The following STXBP3 variants were observed in gnomAD, a reference collection of about 807,000 sequenced individuals.
STXBP3 encodes the protein syntaxin-binding protein 3.
A neutral mutation model predicts 85.7 loss-of-function variants in STXBP3; 41 were observed. The ratio of observed to expected loss-of-function variants is 0.48; its 90% CI spans 0.37 to 0.62. The LOEUF is 0.62. Among genes scored for constraint, STXBP3 ranks in the 20% least tolerant of loss-of-function variants. The pLI is 0.00. For synonymous variants in STXBP3, 229 were observed against 231.7 expected (o/e 0.99, Z 0.10); for missense variants, 563 against 703.1 (o/e 0.80, Z 2.25).
chr1:108,757,083 A>G, intron 4 of STXBP3: 1 of 180,002 alleles, frequency 5.6e-6, no homozygotes, highest in Non-Finnish European at 1.2e-5. Flanking sequence ...TAATGTAGGT[A>G]AAAGAAATAA....
chr1:108,803,778 G>T (rs141299181), intron 17 of STXBP3, among the ~76,000 whole-genome samples: 5 of 152,116 alleles, frequency 3.3e-5, no homozygotes, highest in East Asian at 3.8e-4. Flanking sequence ...GCGCCACTAC[G>T]CCTGGCCAGC....
intron 11 of STXBP3, among the ~76,000 whole-genome samples, chr1:108,790,152 C>A (rs2934738): frequency 0.23 from 34,505 of 151,914 alleles, 4,184 homozygotes; most frequent in Non-Finnish European, 0.26. Context: ...TTTACCTGCT[C>A]TGTCAGTTAC....
rs912602384 is a variant in STXBP3, at chr1:108,767,796, A to G, written c.439-4869A>G. Among the ~76,000 whole-genome samples the G allele has an allele frequency of 8.8e-4, 134 of 152,206 alleles. 1 individual carries two copies. Among genetic ancestry groups the G allele is most frequent in the African/African-American group, 3.1e-3 (129 of 41,524 alleles). On this transcript the variant is annotated intron_variant, in intron 6 of 18. Transcript: ENST00000370008. ...GAGATGAGGTCTTGCTATGTTGCCC[A>G]GGATGATCTAGAACTCCTGAGCTCA... is the stretch of plus-strand genomic sequence containing the variant.
At chr1:108,783,884 G>A (rs758800645) in intron 11 of STXBP3, among the ~76,000 whole-genome samples, 2 of 152,114 alleles carry the variant, frequency 1.3e-5, no homozygotes, top group African/African-American at 4.8e-5. Flanking sequence ...TCTTATTGTG[G>A]TTTTAATTTC....
chr1:108,750,131 G>A (rs1036821292), intron 1 of STXBP3, among the ~76,000 whole-genome samples: 28 of 151,992 alleles, frequency 1.8e-4, no homozygotes, highest in African/African-American at 5.8e-4. Flanking sequence ...TCTCCAATCT[G>A]CTCCATCATA....
rs1662403927 is a variant in STXBP3 at position 108,771,452 on chromosome 1, C to CATATATAAATATATATG, written c.439-1205_439-1189dup. 5.5e-4 allele frequency among the ~76,000 whole-genome samples: 5 copies of CATATATAAATATATATG among 9,116 alleles called. 1 individual carries two copies. The highest frequency in any genetic ancestry group is 1.7e-3 in the African/African-American group (5 of 2,902). The allele number at this position is 9,116 out of a possible 152,430, so 6.0% of individuals were successfully genotyped here. A position where few individuals can be genotyped will look rare whatever the true frequency, so the allele number is the denominator to read the frequency against. On this transcript the variant is annotated intron_variant, in intron 6 of 18. Transcript: ENST00000370008. ...ATATATGATATATATCTATATATAT[C>CATATATAAATATATATG]ATATATAAATATATATGATATATAT... is the stretch of plus-strand genomic sequence containing the variant.
intron 11 of STXBP3, among the ~76,000 whole-genome samples, chr1:108,784,593 C>A (rs1662787144): frequency 6.6e-6 from 1 of 152,138 alleles, no homozygotes; most frequent in Admixed American, 6.5e-5. Flanking sequence ...CCCCTGGTAC[C>A]TCCCATATCT....
At chr1:108,778,751 T>A (rs1469429686) in intron 8 of STXBP3, among the ~76,000 whole-genome samples, 1 of 152,182 alleles carries the variant, frequency 6.6e-6, no homozygotes. Flanking sequence ...AAACAAAATG[T>A]TACTTTTTTA....
chr1:108,783,494 C>T (rs1662762146), intron 11 of STXBP3, among the ~76,000 whole-genome samples: 1 of 152,100 alleles, frequency 6.6e-6, no homozygotes, highest in Admixed American at 6.5e-5. Context: ...TTTAGTAATT[C>T]ATTTTTTTCA....
intron 13 of STXBP3, among the ~76,000 whole-genome samples, chr1:108,795,888 G>A (rs757657314): frequency 6.6e-5 from 10 of 151,934 alleles, no homozygotes; most frequent in African/African-American, 1.5e-4. Flanking sequence ...TTTTTGAGAC[G>A]GAGTTTCGCT....
In STXBP3 at chr1:108,753,069, CT is replaced by C; in HGVS notation, c.110del (p.Leu37Ter). 1 of 1,568,614 alleles carries C rather than the reference CT, an allele frequency of 6.4e-7. No individual in the cohort carries two copies. Among genetic ancestry groups the C allele is most frequent in the South Asian group, 1.2e-5 (1 of 83,108 alleles). On this transcript the variant is annotated frameshift_variant, in exon 3 of 19. Coordinates refer to ENST00000370008, the MANE Select transcript of STXBP3 (RefSeq NM_007269.4). LOFTEE classifies it high-confidence loss of function. ...CKKEGEWKIM[L>X]LDEFTTKLLA... is the part of the protein sequence containing the mutation. The stretch of plus-strand genomic sequence containing the variant: ...AATTTGTGTTTGTTTTAAGATAATG[CT>C]TTTAGATGAATTTACCACTAAGCTT...
At chr1:108,799,867 T>C (rs142827618) in intron 16 of STXBP3, among the ~76,000 whole-genome samples, 213 of 152,178 alleles carry the variant, frequency 1.4e-3, no homozygotes, top group African/African-American at 5.0e-3. Context: ...GCCATAGCAG[T>C]AGTAGCTATG....
At chr1:108,806,782 C>T (rs1037823999) in intron 17 of STXBP3, among the ~76,000 whole-genome samples, 2 of 151,940 alleles carry the variant, frequency 1.3e-5, no homozygotes, top group African/African-American at 4.8e-5. Context: ...CAAGAAGCTG[C>T]AGACTTCTCA....
intron 6 of STXBP3, among the ~76,000 whole-genome samples, chr1:108,761,118 C>G (rs1662131983): frequency 6.6e-6 from 1 of 152,142 alleles, no homozygotes; most frequent in Non-Finnish European, 1.5e-5. Context: ...GTTGGTCAGG[C>G]TGGTCTCGAA....
intron 18 of STXBP3, 52 bp from the exon 19 acceptor site, chr1:108,808,731 G>A: frequency 7.1e-7 from 1 of 1,414,838 alleles, no homozygotes; most frequent in South Asian, 1.2e-5. Context: ...ATTAAGCGAA[G>A]GAAAATTGAT....
rs564049963 is a variant in STXBP3 at position 108,782,011 on chromosome 1, G to A, written c.810-411G>A. 22 of 154,694 alleles carry A rather than the reference G, an allele frequency of 1.4e-4. No individual in the cohort carries two copies. In the South Asian group the frequency reaches 2.6e-3, roughly 18 times the overall value. 9.6% of individuals were successfully genotyped at this position (154,694 alleles called of 1,614,324 possible). ...CAGGCGTGAGCCACTGCACCTGGCC[G>A]ATATTCCTGTTCTTAATGGAAATTT... On this transcript the variant is annotated intron_variant, in intron 9 of 18. Transcript: ENST00000370008.
At chr1:108,776,273 G>A in intron 7 of STXBP3, 60 bp from the exon 8 acceptor site, 1 of 1,054,500 alleles carries the variant, frequency 9.5e-7, no homozygotes, top group Middle Eastern at 2.5e-4. Flanking sequence ...TAAACTTCAT[G>A]ATATTATAAA....
chr1:108,782,496 G>A lies in STXBP3; in HGVS notation c.884G>A (p.Arg295Gln), dbSNP rs2275344. ...EDDLWVRIRH[R>Q]HIAVVLEEIP... ...GACCTCTGGGTTAGAATTCGACATC[G>A]ACATATTGCGGTTGTGTTAGAGTAT... Residue 295 changes from arginine to glutamine, a missense_variant, in exon 10 of 19, where the codon CGA becomes CAA. Arg to Gln is a conservative substitution (Grantham distance 43). Coordinates refer to ENST00000370008, the MANE Select transcript of STXBP3 (RefSeq NM_007269.4). 3.4e-3 allele frequency: 5,537 copies of A among 1,613,534 alleles called. 130 individuals carry two copies. In the East Asian group the frequency reaches 0.049, roughly 14 times the overall value.
In STXBP3 at chr1:108,782,750, T is replaced by G. The variant is rs760090149; in HGVS notation, c.963+44T>G. 2.0e-6 allele frequency: 3 copies of G among 1,502,116 alleles called. No individual in the cohort carries two copies. The African/African-American group carries it at 4.2e-5, about 21-fold the overall frequency. 93.0% of individuals were successfully genotyped at this position (1,502,116 alleles called of 1,614,324 possible). A position where few individuals can be genotyped will look rare whatever the true frequency, so the allele number is the denominator to read the frequency against. ...TTTCAAAGTAATAGTGAAGGTGAATTTTAAAGTTTGTTTAAAATCTTTATT... is the reference window on the plus strand; with the variant it reads ...TTTCAAAGTAATAGTGAAGGTGAATGTTAAAGTTTGTTTAAAATCTTTATT... On this transcript the variant is annotated intron_variant, in intron 11 of 18. Coordinates refer to ENST00000370008, the MANE Select transcript of STXBP3 (RefSeq NM_007269.4).
Sources: gnomAD v4.1 joint callset for allele counts (sites outside exome capture counted in the v4.1 genomes callset) on GRCh38, gnomAD v4.1.1 for gene constraint, MANE v1.5 for transcripts, NCBI Gene and HGNC (gene_info 2026-07-23, HGNC 2026-07-21) for gene names.